Variants in BIRC6 observed in about 807,000 individuals in gnomAD.
The protein encoded by BIRC6 is baculoviral IAP repeat containing 6.
In BIRC6, 98 loss-of-function variants were observed where a neutral mutation model predicts 503.3. That is an observed-to-expected ratio of 0.19 (90% CI 0.17 to 0.23). The LOEUF (loss-of-function observed/expected upper bound fraction) is 0.23, where lower values mean the gene tolerates loss of function less well. BIRC6 is among the 10% of genes least tolerant of loss of function. The probability of loss-of-function intolerance (pLI) is 1.00; values close to 1 mark genes in which losing one functional copy is unlikely to be tolerated. For synonymous variants in BIRC6, 2,240 were observed against 2,078.7 expected (o/e 1.08, Z -2.11); for missense variants, 5,360 against 5,806.0 (o/e 0.92, Z 2.50).
chr2:32,608,179 G>C (rs931348625), intron 72 of BIRC6, among the ~76,000 whole-genome samples: 3 of 150,820 alleles, frequency 2.0e-5, no homozygotes, highest in African/African-American at 7.3e-5. Flanking sequence ...TGTAGTCTTA[G>C]ATACTCAGTG....
At chr2:32,530,946 A>G (rs918701875) in intron 60 of BIRC6, among the ~76,000 whole-genome samples, 5 of 152,236 alleles carry the variant, frequency 3.3e-5, no homozygotes, top group African/African-American at 1.2e-4. Context: ...AGGATACTTT[A>G]GAGCATATTA....
At chr2:32,515,795 T>G (rs1166868379) in intron 55 of BIRC6, 25 bp downstream of exon 55, 1 of 1,554,698 alleles carries the variant, frequency 6.4e-7, no homozygotes, top group Non-Finnish European at 8.6e-7. Context: ...TAACTTACAT[T>G]TTAGTTGTTT....
At chr2:32,461,343 AGT>A (rs373274536) in intron 23 of BIRC6, among the ~76,000 whole-genome samples, 11,958 of 131,848 alleles carry the variant, frequency 0.091, 538 homozygotes, top group African/African-American at 0.1. Context: ...ATGCCTGGCT[AGT>A]GTGTGTGTGT....
chr2:32,512,368 G>T (rs2054536260), intron 53 of BIRC6, among the ~76,000 whole-genome samples: 1 of 152,150 alleles, frequency 6.6e-6, no homozygotes, highest in African/African-American at 2.4e-5. Flanking sequence ...AATTGGGTGT[G>T]TTTTACTGGT....
chr2:32,446,524 G>GCAA (rs1558747111), intron 21 of BIRC6, among the ~76,000 whole-genome samples: 2 of 152,120 alleles, frequency 1.3e-5, no homozygotes, highest in African/African-American at 4.8e-5. Flanking sequence ...CTTTGTACTT[G>GCAA]AGGCTATGTC....
At position 32,602,994 on chromosome 2, in the gene BIRC6, T is replaced by A; in HGVS notation, c.13993-12T>A. The A allele has an allele frequency of 6.2e-7, 1 of 1,600,170 alleles. No homozygotes were observed. Among genetic ancestry groups the A allele is most frequent in the Non-Finnish European group, 8.5e-7 (1 of 1,176,030 alleles). On this transcript the variant is annotated splice_polypyrimidine_tract_variant and intron_variant, in intron 70 of 73. Coordinates refer to ENST00000421745, the MANE Select transcript of BIRC6 (RefSeq NM_016252.4). ...TTTTTTCAATTCTGTTTATGCTTTT[T>A]TCGTTCGTCAGGTTTGTTTAAGCAT...
Position 32,357,473 on chromosome 2 carries a change from C to T in BIRC6, c.312C>T (p.Ala104=), listed in dbSNP as rs1461302106. The T allele has an allele frequency of 6.5e-7, 1 of 1,549,282 alleles. No individual in the cohort carries two copies. The highest frequency in any genetic ancestry group is 2.5e-5 in the East Asian group (1 of 40,798). Residue 104 remains alanine (A), a synonymous_variant, in exon 1 of 74, where the codon GCC becomes GCT. Transcript: ENST00000421745. The surrounding 1 kb of genome is among the most constrained non-coding windows in gnomAD (Gnocchi z 4.9). The stretch of plus-strand genomic sequence containing the variant: ...GCACCTCGGGGGCCACACTGCAGGC[C>T]TCCGCGCTCAGTGGTGAGTCTTCCG... ...IDGTSGATLQ[A]SALSAKPGGQ... is the part of the protein sequence containing the mutation.
At chr2:32,469,664 C>T in intron 30 of BIRC6, 50 bp downstream of exon 30, 2 of 1,443,176 alleles carry the variant, frequency 1.4e-6, no homozygotes, top group Non-Finnish European at 1.9e-6. Flanking sequence ...GTGTACTTTT[C>T]ACAGTTACTG....
rs1471460022 is a variant in BIRC6 at position 32,470,252 on chromosome 2, T to G, written c.6432T>G (p.Asn2144Lys). Residue 2144 changes from asparagine to lysine, a missense_variant, in exon 31 of 74, where the codon AAT (asparagine) becomes AAG (lysine). Physicochemically the swap from Asn to Lys is moderately conservative, Grantham distance 94 (BLOSUM62 0). Coordinates refer to ENST00000421745, the MANE Select transcript of BIRC6 (RefSeq NM_016252.4). Reference protein sequence around the residue: ...VLESLLNLLDNLLSPLQPQLP... With the variant: ...VLESLLNLLDKLLSPLQPQLP... The stretch of plus-strand genomic sequence containing the variant: ...AAAGCTTACTTAATCTCTTGGATAA[T>G]TTATTGTCACCTCTTCAGCCACAGT... 5 of 1,573,680 alleles carry G rather than the reference T, an allele frequency of 3.2e-6. No homozygotes were observed. The highest frequency in any genetic ancestry group is 4.3e-6 in the Non-Finnish European group (5 of 1,157,930).
intron 61 of BIRC6, among the ~76,000 whole-genome samples, chr2:32,537,792 C>T (rs1014626325): frequency 2.0e-5 from 3 of 152,026 alleles, no homozygotes; most frequent in African/African-American, 7.2e-5. Flanking sequence ...TGGTGAAATC[C>T]CGTCTCTACT....
chr2:32,556,974 A>G (rs2058830051), intron 65 of BIRC6, among the ~76,000 whole-genome samples: 1 of 152,080 alleles, frequency 6.6e-6, no homozygotes, highest in South Asian at 2.1e-4. Context: ...ACTCCAGTTT[A>G]CTTAGAGAAT....
At chr2:32,358,427 C>T (rs541115443) in intron 1 of BIRC6, among the ~76,000 whole-genome samples, 1 of 151,992 alleles carries the variant, frequency 6.6e-6, no homozygotes, top group African/African-American at 2.4e-5. Context: ...TTGGAATGGC[C>T]CTGGCTGAGT....
chr2:32,399,125 G>T (rs973044021), intron 6 of BIRC6, among the ~76,000 whole-genome samples: 5 of 151,846 alleles, frequency 3.3e-5, no homozygotes, highest in African/African-American at 1.2e-4. Context: ...TTACTTTGTT[G>T]CCCAGGCTGG....
chr2:32,380,005 T>G (rs2037392352), intron 2 of BIRC6, 148 bp from the exon 3 acceptor site: 3 of 478,464 alleles, frequency 6.3e-6, no homozygotes, highest in Non-Finnish European at 7.1e-6. Context: ...TATTGTTTAA[T>G]TAAGTAGATT....
chr2:32,448,414 C>T (rs1308852864), intron 21 of BIRC6, among the ~76,000 whole-genome samples: 2 of 149,908 alleles, frequency 1.3e-5, no homozygotes, highest in South Asian at 2.1e-4. Context: ...CTCGGGAGGC[C>T]GAGGCTGGCG....
At position 32,472,210 on chromosome 2, in the gene BIRC6, G is replaced by T. The variant is rs189298912; in HGVS notation, c.6593-902G>T. ...GCCTCCCAAGTAGCTGGGATTATAG[G>T]CGTGTACCACCACGCCCGGCTAATT... On this transcript the variant is annotated intron_variant, in intron 32 of 73. Coordinates refer to ENST00000421745, the MANE Select transcript of BIRC6 (RefSeq NM_016252.4). Among the ~76,000 whole-genome samples the T allele has an allele frequency of 4.2e-3, 641 of 152,182 alleles. 3 individuals are homozygous for T. The highest frequency in any genetic ancestry group is 0.015 in the African/African-American group (618 of 41,498).
intron 63 of BIRC6, 65 bp from the exon 64 acceptor site, chr2:32,547,785 G>A: frequency 1.5e-6 from 2 of 1,330,418 alleles, no homozygotes; most frequent in Non-Finnish European, 2.0e-6. Flanking sequence ...CTTTCCCAGT[G>A]ATAAATATTT....
At chr2:32,477,303 A>G in intron 34 of BIRC6, 65 bp from the exon 35 acceptor site, 1 of 1,514,152 alleles carries the variant, frequency 6.6e-7, no homozygotes, top group Admixed American at 1.9e-5. Flanking sequence ...CATTACATAA[A>G]TCTATACTGA....
chr2:32,380,158 G>A lies in BIRC6; in HGVS notation c.513G>A (p.Gln171=), dbSNP rs2037420595. 1 of 1,527,128 alleles carries A rather than the reference G, an allele frequency of 6.5e-7. No homozygotes were observed. The highest frequency in any genetic ancestry group is 1.3e-5 in the South Asian group (1 of 78,274). 94.6% of individuals were successfully genotyped at this position (1,527,128 alleles called of 1,614,324 possible). A position where few individuals can be genotyped will look rare whatever the true frequency, so the allele number is the denominator to read the frequency against. ...ATTTTTTATTTTTTATTTAGGCACA[G>A]CAGCTCTTATCAGCATGTTTAGAAA... ...VQLELPVTEA[Q]QLLSACLEKV... Residue 171 remains glutamine, a synonymous_variant, in exon 3 of 74, where the codon CAG becomes CAA. Transcript: ENST00000421745.
Sources: allele counts gnomAD v4.1 joint callset (sites outside exome capture counted in the v4.1 genomes callset), GRCh38; gene constraint gnomAD v4.1.1; non-coding constraint Gnocchi (gnomAD v3.1); transcripts MANE v1.5; gene names NCBI Gene and HGNC (gene_info 2026-07-23, HGNC 2026-07-21).